MTUS1: variants seen among roughly 807,000 people sequenced by gnomAD.
MTUS1 encodes the protein microtubule-associated tumor suppressor 1.
Under a neutral mutation model 120.8 loss-of-function variants are expected in MTUS1, and 109 were observed. The ratio of observed to expected loss-of-function variants is 0.90; its 90% CI spans 0.77 to 1.06. MTUS1 has a LOEUF of 1.06. Ranked by LOEUF, MTUS1 falls within the 50% of genes least tolerant of loss-of-function variation. The probability of loss-of-function intolerance (pLI) is 0.00; values close to 1 mark genes in which losing one functional copy is unlikely to be tolerated. For synonymous variants in MTUS1, 737 were observed against 550.5 expected, an observed-to-expected ratio of 1.34 and a Z score of -4.74; for missense variants, 2,210 against 1,486.3, an observed-to-expected ratio of 1.49 and a Z score of -8.01.
intron 8 of MTUS1, among the ~76,000 whole-genome samples, chr8:17,667,388 G>C (rs934312222): frequency 2.0e-5 from 3 of 152,174 alleles, no homozygotes; most frequent in Non-Finnish European, 4.4e-5. Context: ...CCTGTAAAGA[G>C]TTTAAAAATT....
rs369748761 is a variant in MTUS1 at position 17,725,948 on chromosome 8, T to G, written c.2288-2115A>C. ...TATTTAATATTTAATTTCACAGGCT[T>G]AAAAGGCAATGTGGGGTTGATCCCT... On this transcript the variant is annotated intron_variant, in intron 3 of 14. Coordinates refer to ENST00000693296, the MANE Select transcript of MTUS1 (RefSeq NM_001363059.2). Among the ~76,000 whole-genome samples, 3 of 152,170 alleles carry G rather than the reference T, an allele frequency of 2.0e-5. No individual in the cohort carries two copies. In the South Asian group the frequency reaches 6.2e-4, roughly 31 times the overall value.
At chr8:17,741,213 A>C (rs1183788534) in intron 3 of MTUS1, among the ~76,000 whole-genome samples, 2 of 152,048 alleles carry the variant, frequency 1.3e-5, no homozygotes, top group East Asian at 3.9e-4. Context: ...CACCACCCCT[A>C]CTGGATTAGG....
intron 1 of MTUS1, among the ~76,000 whole-genome samples, chr8:17,758,937 A>G (rs1307592744): frequency 6.6e-6 from 1 of 152,216 alleles, no homozygotes; most frequent in Non-Finnish European, 1.5e-5. Flanking sequence ...GCTGGAGTGC[A>G]GTGGCGCGAT....
chr8:17,742,267 C>CTGTTTT (rs1321503642), intron 3 of MTUS1, among the ~76,000 whole-genome samples: 3 of 120,462 alleles, frequency 2.5e-5, no homozygotes, highest in African/African-American at 7.1e-5. Flanking sequence ...TCATGCCCAG[C>CTGTTTT]TGTTTTTTTT....
intron 3 of MTUS1, among the ~76,000 whole-genome samples, chr8:17,740,398 T>A (rs1205611217): frequency 6.6e-6 from 1 of 152,214 alleles, no homozygotes; most frequent in East Asian, 1.9e-4. Context: ...CGCTTACCTT[T>A]CAGCAGAGTA....
chr8:17,772,953 C>T (rs7000598), intron 1 of MTUS1, among the ~76,000 whole-genome samples: 24,625 of 152,124 alleles, frequency 0.16, 1,985 homozygotes, highest in East Asian at 0.21. Context: ...GGAGATTAAA[C>T]TCCCAAAGAT....
intron 1 of MTUS1, among the ~76,000 whole-genome samples, chr8:17,763,265 C>T (rs2049187017): frequency 6.6e-6 from 1 of 152,208 alleles, no homozygotes; most frequent in Non-Finnish European, 1.5e-5. Context: ...GCTGGGATTA[C>T]AGGCGTGAGC....
At chr8:17,788,688 T>A (rs1283569661) in intron 1 of MTUS1, among the ~76,000 whole-genome samples, 4 of 152,144 alleles carry the variant, frequency 2.6e-5, no homozygotes, top group African/African-American at 7.2e-5. Context: ...TTCAACAGTT[T>A]ATTGAACAAA....
rs537723638 is a variant in MTUS1, at chr8:17,793,799, G to T, written c.-155+7262C>A. On this transcript the variant is annotated intron_variant, in intron 1 of 14. Coordinates refer to ENST00000693296, the MANE Select transcript of MTUS1 (RefSeq NM_001363059.2). ...AACCAAGAATGTCAATACAACCTAC[G>T]TGACCAAACTTTGGTCAAGTCAGCA... Among the ~76,000 whole-genome samples the T allele has an allele frequency of 6.6e-5, 10 of 152,222 alleles. 1 individual carries two copies. In the South Asian group the frequency reaches 8.3e-4, roughly 13 times the overall value.
chr8:17,776,678 CAAAAAAAAAAA>C (rs71215272), intron 1 of MTUS1, among the ~76,000 whole-genome samples: 13 of 55,178 alleles, frequency 2.4e-4, no homozygotes, highest in Admixed American at 1.3e-3. Flanking sequence ...GACTCTGTCT[CAAAAAAAAAAA>C]AAAAAAAAAA....
At chr8:17,769,053 T>C (rs916323822) in intron 1 of MTUS1, among the ~76,000 whole-genome samples, 5 of 152,016 alleles carry the variant, frequency 3.3e-5, no homozygotes, top group Non-Finnish European at 7.4e-5. Context: ...TTAAAAAGCC[T>C]CTGCTTGGGG....
chr8:17,682,355 G>C lies in MTUS1; in HGVS notation c.2838+1973C>G, dbSNP rs571435458. Among the ~76,000 whole-genome samples, 262 of 152,036 alleles carry C rather than the reference G, an allele frequency of 1.7e-3. 1 individual carries two copies. The highest frequency in any genetic ancestry group is 6.1e-3 in the African/African-American group (252 of 41,492). On this transcript the variant is annotated intron_variant, in intron 7 of 14. Transcript: ENST00000693296. Reference sequence around the variant, plus strand: ...ACATGGTGAAACCCTGTCTCTACTAGAAAATTACAAAAACTAGTCGGGCAT... The same window carrying C: ...ACATGGTGAAACCCTGTCTCTACTACAAAATTACAAAAACTAGTCGGGCAT...
intron 6 of MTUS1, 113 bp downstream of exon 6, chr8:17,713,101 A>T (rs1405602821): frequency 1.1e-6 from 1 of 878,832 alleles, no homozygotes; most frequent in Admixed American, 2.4e-5. Flanking sequence ...TTTACACCTC[A>T]AATTGGAAAT....
intron 6 of MTUS1, among the ~76,000 whole-genome samples, chr8:17,705,385 A>C (rs1296365193): frequency 6.6e-6 from 1 of 152,202 alleles, no homozygotes; most frequent in East Asian, 1.9e-4. Flanking sequence ...CTATATTCTT[A>C]GTGTTTTAAT....
intron 3 of MTUS1, among the ~76,000 whole-genome samples, chr8:17,733,229 C>T (rs1456733951): frequency 6.6e-6 from 1 of 151,870 alleles, no homozygotes; most frequent in Admixed American, 6.6e-5. Flanking sequence ...CAGGCACCTA[C>T]AATCTCAGCT....
chr8:17,786,742 C>T (rs192059539), intron 1 of MTUS1, among the ~76,000 whole-genome samples: 1 of 152,228 alleles, frequency 6.6e-6, no homozygotes, highest in East Asian at 1.9e-4. Context: ...AATGGATCCA[C>T]CCGAGCGGTA....
intron 8 of MTUS1, among the ~76,000 whole-genome samples, chr8:17,669,178 T>C (rs55821726): frequency 0.2 from 31,025 of 152,188 alleles, 4,660 homozygotes; most frequent in African/African-American, 0.41. Context: ...TACAGGGTGC[T>C]TTGAAAAGCA....
chr8:17,714,843 A>G (rs1410939379), intron 5 of MTUS1, among the ~76,000 whole-genome samples: 2 of 147,122 alleles, frequency 1.4e-5, no homozygotes, highest in Admixed American at 6.8e-5. Flanking sequence ...CTCACTCACA[A>G]TTATTCGCTC....
intron 6 of MTUS1, among the ~76,000 whole-genome samples, chr8:17,703,334 ATGCGGTGGAGATAGCTTGGCCGGG>A (rs1225901471): frequency 6.6e-6 from 1 of 152,072 alleles, no homozygotes; most frequent in African/African-American, 2.4e-5. Flanking sequence ...TGTCTGTCCT[ATGCGGTGGAGATAGCTTGGCCGGG>A]TGCGGTGGCT....
Sources: gnomAD v4.1 joint callset for allele counts (sites outside exome capture counted in the v4.1 genomes callset) on GRCh38, gnomAD v4.1.1 for gene constraint, MANE v1.5 for transcripts, NCBI Gene and HGNC (gene_info 2026-07-23, HGNC 2026-07-21) for gene names.